SLC18A1: variants seen among roughly 807,000 people sequenced by gnomAD.
The protein encoded by SLC18A1 is solute carrier family 18 member A1.
A neutral mutation model predicts 53.7 loss-of-function variants in SLC18A1; 69 were observed. That is an observed-to-expected ratio of 1.28 (90% confidence interval 1.06 to 1.57). SLC18A1 has a LOEUF of 1.57. Ranked by LOEUF, SLC18A1 falls within the 40% of genes most tolerant of loss-of-function variation. The pLI, the probability that SLC18A1 is intolerant of heterozygous loss-of-function variation, is 0.00. For missense variants in SLC18A1, 932 were observed against 668.1 expected, an observed-to-expected ratio of 1.40 and a Z score of -4.35; for synonymous variants, 320 against 248.1, an observed-to-expected ratio of 1.29 and a Z score of -2.72.
intron 12 of SLC18A1, 103 bp downstream of exon 12, chr8:20,149,573 T>TCTCTCTCTCTCC: frequency 1.2e-6 from 1 of 806,538 alleles, no homozygotes. Context: ...TCTGTGTCTT[T>TCTCTCTCTCTCC]CTCTCTCTCT....
chr8:20,147,327 C>G lies in SLC18A1; in HGVS notation c.1395G>C (p.Gly465=), dbSNP rs1256686986. 1 of 1,613,574 alleles carries G rather than the reference C, an allele frequency of 6.2e-7. No homozygotes were observed. Among genetic ancestry groups the G allele is most frequent in the Non-Finnish European group, 8.5e-7 (1 of 1,179,936 alleles). The change falls in exon 15 of 16, where the codon GGG becomes GGC. Residue 465 remains glycine, a synonymous_variant. Coordinates refer to ENST00000276373, the MANE Select transcript of SLC18A1 (RefSeq NM_003053.4). ...GTGGAGCATAGACGATGTTGATGAC[C>G]CCAGTGATGACCATGAGCCAGGGAA... ...IGFPWLMVIT[G]VINIVYAPLC... is the part of the protein sequence containing the mutation.
At chr8:20,160,164 C>T (rs1028959701) in intron 10 of SLC18A1, among the ~76,000 whole-genome samples, 4 of 150,292 alleles carry the variant, frequency 2.7e-5, no homozygotes, top group African/African-American at 1.0e-4. Context: ...TTTGTGTAGG[C>T]TATCCTGGAC....
intron 11 of SLC18A1, among the ~76,000 whole-genome samples, chr8:20,149,957 G>A (rs140886587): frequency 1.2e-4 from 18 of 152,200 alleles, no homozygotes; most frequent in African/African-American, 3.6e-4. Flanking sequence ...AGGAGGTGCC[G>A]TGGGACACAC....
At chr8:20,160,803 T>C (rs962195599) in intron 10 of SLC18A1, among the ~76,000 whole-genome samples, 24 of 152,140 alleles carry the variant, frequency 1.6e-4, no homozygotes, top group African/African-American at 5.8e-4. Flanking sequence ...GGCACCAGCA[T>C]CTGCTTGGCC....
Position 20,150,698 on chromosome 8 carries a change from G to T in SLC18A1, c.1062C>A (p.Asn354Lys), listed in dbSNP as rs368185366. The T allele has an allele frequency of 1.2e-6, 2 of 1,614,162 alleles. No individual in the cohort carries two copies. Among genetic ancestry groups the T allele is most frequent in the Admixed American group, 3.3e-5 (2 of 60,024 alleles). Reference protein sequence around the residue: ...PASVSYLIGTNLFGVLANKMG... With the variant: ...PASVSYLIGTKLFGVLANKMG... ...TCTTGTTGGCCAACACACCAAAGAG[G>T]TTGGTGCCAATGAGGTAGGACACAC... is the stretch of plus-strand genomic sequence containing the variant. The change falls in exon 11 of 16, where the codon AAC (asparagine) becomes AAA (lysine). Residue 354 changes from asparagine (N) to lysine (K), a missense_variant. Coordinates refer to ENST00000276373, the MANE Select transcript of SLC18A1 (RefSeq NM_003053.4).
chr8:20,159,634 CAAAAAAAA>C (rs200123466), intron 10 of SLC18A1, among the ~76,000 whole-genome samples: 4 of 81,534 alleles, frequency 4.9e-5, no homozygotes, highest in African/African-American at 1.4e-4. Context: ...TTGCAGCTGC[CAAAAAAAA>C]AAAAAAAAAA....
At chr8:20,180,721 G>A in intron 2 of SLC18A1, 120 bp downstream of exon 2, 3 of 1,303,372 alleles carry the variant, frequency 2.3e-6, no homozygotes. Context: ...ACCTCTGTGT[G>A]TTTTTGAGCA....
intron 10 of SLC18A1, among the ~76,000 whole-genome samples, chr8:20,153,533 C>G (rs2071611853): frequency 6.6e-6 from 1 of 152,044 alleles, no homozygotes; most frequent in Non-Finnish European, 1.5e-5. Flanking sequence ...AAAAAATTAG[C>G]TGGGCATGGT....
At chr8:20,179,597 T>A (rs1223818801) in intron 2 of SLC18A1, 113 bp from the exon 3 acceptor site, 1 of 1,356,258 alleles carries the variant, frequency 7.4e-7, no homozygotes, top group Non-Finnish European at 1.0e-6. Context: ...GGAGGACAGG[T>A]GATGGGGGCT....
intron 4 of SLC18A1, chr8:20,175,917 C>T (rs1294830313): frequency 6.6e-6 from 1 of 152,184 alleles, no homozygotes; most frequent in Non-Finnish European, 1.5e-5. Context: ...CCAGTCTTTT[C>T]TGTCTACTCT....
At position 20,149,923 on chromosome 8, in the gene SLC18A1, A is replaced by C. The variant is rs144094961; in HGVS notation, c.1095-196T>G. ...CCCTTTCCTTGTCTCCCCTGGCTCC[A>C]TCCCTTTTTCTATAGAAAGGCAGAG... is the stretch of plus-strand genomic sequence containing the variant. On this transcript the variant is annotated intron_variant, in intron 11 of 15. Coordinates refer to ENST00000276373, the MANE Select transcript of SLC18A1 (RefSeq NM_003053.4). Among the ~76,000 whole-genome samples, 999 of 152,110 alleles carry C rather than the reference A, an allele frequency of 6.6e-3. 8 individuals are homozygous for C. Among genetic ancestry groups the C allele is most frequent in the African/African-American group, 0.023 (962 of 41,486 alleles).
At chr8:20,157,009 G>C (rs557043359) in intron 10 of SLC18A1, among the ~76,000 whole-genome samples, 1 of 152,154 alleles carries the variant, frequency 6.6e-6, no homozygotes, top group East Asian at 1.9e-4. Context: ...CTTTCTTTGT[G>C]GTCAAGAAAG....
Position 20,154,282 on chromosome 8 carries a change from T to C in SLC18A1, c.1016-3538A>G, listed in dbSNP as rs550282856. Among the ~76,000 whole-genome samples the C allele has an allele frequency of 1.8e-4, 27 of 152,156 alleles. No individual in the cohort carries two copies. The South Asian group carries it at 5.2e-3, about 29-fold the overall frequency. ...GAAAGGATCATTGCAAAAGAGTAGA[T>C]TAAAAAATTAGGAGGCCAAGATCCA... On this transcript the variant is annotated intron_variant, in intron 10 of 15. Coordinates refer to ENST00000276373, the MANE Select transcript of SLC18A1 (RefSeq NM_003053.4).
At chr8:20,176,124 G>A (rs936048031) in intron 4 of SLC18A1, among the ~76,000 whole-genome samples, 2 of 152,174 alleles carry the variant, frequency 1.3e-5, no homozygotes, top group African/African-American at 2.4e-5. Flanking sequence ...TGTTGGAGAT[G>A]GGGCCCAGTG....
intron 10 of SLC18A1, among the ~76,000 whole-genome samples, chr8:20,153,454 G>T (rs1277715278): frequency 2.6e-5 from 4 of 152,102 alleles, no homozygotes; most frequent in Non-Finnish European, 5.9e-5. Flanking sequence ...GAGGCGGGTG[G>T]ATCACAAGGT....
intron 10 of SLC18A1, among the ~76,000 whole-genome samples, chr8:20,156,446 A>G (rs929759643): frequency 7.2e-5 from 11 of 152,312 alleles, no homozygotes; most frequent in Non-Finnish European, 1.6e-4. Flanking sequence ...TACCCCCTTA[A>G]GGACAGGAAG....
chr8:20,180,815 C>T (rs775810303), intron 2 of SLC18A1, 26 bp downstream of exon 2: 2 of 1,612,836 alleles, frequency 1.2e-6, no homozygotes, highest in East Asian at 2.2e-5. Flanking sequence ...CAAATTAACC[C>T]TCAGCACAAA....
At chr8:20,176,976 T>C (rs1459741158) in intron 4 of SLC18A1, among the ~76,000 whole-genome samples, 1 of 152,188 alleles carries the variant, frequency 6.6e-6, no homozygotes, top group Non-Finnish European at 1.5e-5. Flanking sequence ...CATATACACT[T>C]CTGATAGCTG....
chr8:20,178,111 T>C (rs1360701165), intron 4 of SLC18A1, among the ~76,000 whole-genome samples: 1 of 117,960 alleles, frequency 8.5e-6, no homozygotes, highest in Non-Finnish European at 1.7e-5. Flanking sequence ...AAGGGATTAC[T>C]GATGCATATA....
Sources: gnomAD v4.1 joint callset for allele counts (sites outside exome capture counted in the v4.1 genomes callset) on GRCh38, gnomAD v4.1.1 for gene constraint, MANE v1.5 for transcripts, NCBI Gene and HGNC (gene_info 2026-07-23, HGNC 2026-07-21) for gene names.